RBFOX1: variants seen among roughly 807,000 people sequenced by gnomAD.
RBFOX1 encodes RNA binding protein fox-1 homolog 1.
Under a neutral mutation model 57.7 loss-of-function variants are expected in RBFOX1, and 8 were observed. The observed-to-expected ratio is 0.14, with a 90% CI of 0.08 to 0.25. The LOEUF (loss-of-function observed/expected upper bound fraction) is 0.25, where lower values mean the gene tolerates loss of function less well. Ranked by LOEUF, RBFOX1 falls within the 10% of genes least tolerant of loss-of-function variation. The pLI is 1.00. For missense variants in RBFOX1, 611 were observed against 548.5 expected (o/e 1.11, Z -1.14); for synonymous variants, 326 against 222.4 (o/e 1.47, Z -4.15).
chr16:5,275,567 C>T (rs2063120396), intron 1 of RBFOX1, among the ~76,000 whole-genome samples: 2 of 152,174 alleles, frequency 1.3e-5, no homozygotes, highest in Non-Finnish European at 2.9e-5. Flanking sequence ...ACATTCCATG[C>T]TCATGGATGG....
chr16:7,190,608 A>G (rs1241645916), intron 4 of RBFOX1, among the ~76,000 whole-genome samples: 2 of 152,052 alleles, frequency 1.3e-5, no homozygotes, highest in Non-Finnish European at 2.9e-5. Flanking sequence ...GTACTGAGGT[A>G]TAGAGGGTTG....
chr16:6,561,867 G>A (rs1312935302), intron 2 of RBFOX1, among the ~76,000 whole-genome samples: 1 of 152,182 alleles, frequency 6.6e-6, no homozygotes, highest in Admixed American at 6.5e-5. Context: ...GGATTCTGGT[G>A]AATGATTTAA....
intron 4 of RBFOX1, among the ~76,000 whole-genome samples, chr16:7,224,140 A>G (rs1164636358): frequency 2.0e-5 from 3 of 148,440 alleles, no homozygotes; most frequent in Non-Finnish European, 4.5e-5. Flanking sequence ...AAAAAAAAAA[A>G]AAAAAAAAAA....
chr16:6,887,560 C>CT lies in RBFOX1; in HGVS notation c.-15-164487dup, dbSNP rs141623429. Among the ~76,000 whole-genome samples, 880 of 150,536 alleles carry CT rather than the reference C, an allele frequency of 5.8e-3. 13 individuals carry two copies. The highest frequency in any genetic ancestry group is 0.02 in the African/African-American group (820 of 40,914). On this transcript the variant is annotated intron_variant, in intron 3 of 15. Coordinates refer to ENST00000550418, the MANE Select transcript of RBFOX1 (RefSeq NM_018723.4). ...GTTTATAGACACAAAAACACATATA[C>CT]TTTTTTTTTTCCTTTCGAATTCTGC...
chr16:5,578,379 G>T (rs141329588), intron 2 of RBFOX1, among the ~76,000 whole-genome samples: 1 of 152,142 alleles, frequency 6.6e-6, no homozygotes, highest in African/African-American at 2.4e-5. Context: ...AAGGAAGGAA[G>T]GGTGGAGTGG....
At chr16:7,224,581 A>C (rs2092970180) in intron 4 of RBFOX1, among the ~76,000 whole-genome samples, 1 of 152,152 alleles carries the variant, frequency 6.6e-6, no homozygotes, top group African/African-American at 2.4e-5. Context: ...CTAAACTTTC[A>C]GATTTTCAGT....
At chr16:6,551,185 C>G (rs2096983047) in intron 2 of RBFOX1, among the ~76,000 whole-genome samples, 1 of 152,190 alleles carries the variant, frequency 6.6e-6, no homozygotes, top group Non-Finnish European at 1.5e-5. Context: ...TAGCCCAACT[C>G]AGGATAAGCA....
At chr16:7,445,987 G>T (rs1245688597) in intron 4 of RBFOX1, among the ~76,000 whole-genome samples, 2 of 152,084 alleles carry the variant, frequency 1.3e-5, no homozygotes, top group Non-Finnish European at 1.5e-5. Flanking sequence ...AAGAGTCGGG[G>T]ATCTTCTCTT....
At chr16:7,158,685 G>A (rs1413857126) in intron 4 of RBFOX1, among the ~76,000 whole-genome samples, 7 of 141,484 alleles carry the variant, frequency 4.9e-5, no homozygotes, top group African/African-American at 7.3e-5. Flanking sequence ...TGTGTATGGT[G>A]TGTCTGTGTG....
At chr16:7,042,035 T>A (rs555640133) in intron 3 of RBFOX1, among the ~76,000 whole-genome samples, 1 of 152,132 alleles carries the variant, frequency 6.6e-6, no homozygotes, top group Non-Finnish European at 1.5e-5. Context: ...CAGTCTCCAT[T>A]GGGGAGAAAA....
intron 1 of RBFOX1, among the ~76,000 whole-genome samples, chr16:5,397,603 A>T (rs777472948): frequency 6.6e-6 from 1 of 152,092 alleles, no homozygotes; most frequent in Non-Finnish European, 1.5e-5. Flanking sequence ...AGCACAAAAG[A>T]CTCAATTTCT....
intron 3 of RBFOX1, among the ~76,000 whole-genome samples, chr16:6,764,410 T>A (rs1194330583): frequency 6.6e-6 from 1 of 152,188 alleles, no homozygotes; most frequent in Non-Finnish European, 1.5e-5. Context: ...CATTCTTAGT[T>A]CTGTTACCAG....
chr16:6,822,103 T>A (rs2091410206), intron 3 of RBFOX1, among the ~76,000 whole-genome samples: 1 of 152,106 alleles, frequency 6.6e-6, no homozygotes, highest in Non-Finnish European at 1.5e-5. Flanking sequence ...TTTCTGCAGC[T>A]ACTGGGGGAG....
chr16:5,598,795 G>A (rs758795688), intron 2 of RBFOX1: 6 of 820,936 alleles, frequency 7.3e-6, no homozygotes, highest in Non-Finnish European at 1.1e-5. Context: ...GTGGCTAAAC[G>A]TGGTGAGACA....
intron 3 of RBFOX1, among the ~76,000 whole-genome samples, chr16:6,805,252 G>C (rs917161704): frequency 6.6e-6 from 1 of 152,166 alleles, no homozygotes; most frequent in Non-Finnish European, 1.5e-5. Flanking sequence ...CATGGATGGA[G>C]CTTGAGGCCA....
At chr16:6,806,836 A>ATATATATATATTTTT (rs754342591) in intron 3 of RBFOX1, among the ~76,000 whole-genome samples, 19 of 91,874 alleles carry the variant, frequency 2.1e-4, no homozygotes, top group African/African-American at 4.9e-4. Flanking sequence ...ATATATATAT[A>ATATATATATATTTTT]TTTTTTTTTT....
chr16:6,987,194 C>T (rs1049974406), intron 3 of RBFOX1, among the ~76,000 whole-genome samples: 3 of 152,086 alleles, frequency 2.0e-5, no homozygotes, highest in Non-Finnish European at 4.4e-5. Flanking sequence ...TTTGCCAAGT[C>T]TTGATTACCC....
intron 3 of RBFOX1, among the ~76,000 whole-genome samples, chr16:6,698,925 A>C (rs1162030404): frequency 1.3e-5 from 2 of 152,212 alleles, no homozygotes; most frequent in Non-Finnish European, 2.9e-5. Flanking sequence ...GGCATATTGA[A>C]TGTGTCCATA....
intron 2 of RBFOX1, among the ~76,000 whole-genome samples, chr16:5,545,408 A>G (rs2045153076): frequency 6.6e-6 from 1 of 152,228 alleles, no homozygotes; most frequent in Non-Finnish European, 1.5e-5. Context: ...AGAAATTATA[A>G]GAAGAGGAAA....
Sources: gnomAD v4.1 joint callset for allele counts (sites outside exome capture counted in the v4.1 genomes callset) on GRCh38, gnomAD v4.1.1 for gene constraint, MANE v1.5 for transcripts, NCBI Gene and HGNC (gene_info 2026-07-23, HGNC 2026-07-21) for gene names.